RARB: variants seen among roughly 807,000 people sequenced by gnomAD.
RARB encodes HBV-activated protein.
A neutral mutation model predicts 51.9 loss-of-function variants in RARB; 17 were observed. The observed-to-expected ratio is 0.33, with a 90% CI of 0.22 to 0.49. RARB has a LOEUF of 0.49. Among genes scored for constraint, RARB ranks in the 20% least tolerant of loss-of-function variants. The probability of loss-of-function intolerance (pLI) is 0.99; values close to 1 mark genes in which losing one functional copy is unlikely to be tolerated. For missense variants in RARB, 369 were observed against 550.8 expected, an observed-to-expected ratio of 0.67 and a Z score of 3.30; for synonymous variants, 215 against 195.4, an observed-to-expected ratio of 1.10 and a Z score of -0.84.
At chr3:24,961,240 C>T (rs1696133253) in intron 2 of RARB, among the ~76,000 whole-genome samples, 2 of 152,150 alleles carry the variant, frequency 1.3e-5, no homozygotes, top group Non-Finnish European at 2.9e-5. Context: ...ATTTATTGAA[C>T]ATCTACTGTG....
intron 5 of RARB, among the ~76,000 whole-genome samples, chr3:25,269,086 C>T (rs1468447785): frequency 2.0e-5 from 3 of 151,872 alleles, no homozygotes; most frequent in Non-Finnish European, 4.4e-5. Context: ...TATCTTTTAC[C>T]CTCCAATAAA....
At chr3:25,299,282 G>C (rs543347780) in intron 5 of RARB, among the ~76,000 whole-genome samples, 1 of 151,946 alleles carries the variant, frequency 6.6e-6, no homozygotes, top group East Asian at 1.9e-4. Context: ...CTGCAGCCTC[G>C]ACATTTTCAG....
chr3:24,893,676 C>A (rs963021529), intron 2 of RARB, among the ~76,000 whole-genome samples: 1 of 147,260 alleles, frequency 6.8e-6, no homozygotes, highest in Non-Finnish European at 1.5e-5. Flanking sequence ...CAACAGCATG[C>A]CTCACTGATT....
intron 5 of RARB, among the ~76,000 whole-genome samples, chr3:25,228,390 A>C (rs1051775880): frequency 6.6e-6 from 1 of 151,846 alleles, no homozygotes; most frequent in African/African-American, 2.4e-5. Flanking sequence ...AGCAGTATCC[A>C]TTCTACTCCC....
At chr3:25,217,482 A>G (rs1472170185) in intron 5 of RARB, among the ~76,000 whole-genome samples, 1 of 151,832 alleles carries the variant, frequency 6.6e-6, no homozygotes, top group Admixed American at 6.6e-5. Flanking sequence ...GGGGGCATGA[A>G]AAGGCCTACT....
At chr3:25,098,840 CAT>C (rs2125320195) in intron 3 of RARB, among the ~76,000 whole-genome samples, 1 of 152,322 alleles carries the variant, frequency 6.6e-6, no homozygotes, top group South Asian at 2.1e-4. Context: ...TAATGCCTAA[CAT>C]ATTATCTTCC....
chr3:25,201,628 T>C (rs1701391801), intron 5 of RARB, among the ~76,000 whole-genome samples: 1 of 152,028 alleles, frequency 6.6e-6, no homozygotes, highest in Non-Finnish European at 1.5e-5. Flanking sequence ...TTATTGAGAG[T>C]TTTTAGCATG....
intron 1 of RARB, among the ~76,000 whole-genome samples, chr3:25,446,099 T>C (rs771402132): frequency 5.9e-5 from 9 of 152,214 alleles, no homozygotes; most frequent in Non-Finnish European, 1.2e-4. Context: ...CCCTAACTAA[T>C]AAAAATGTAT....
chr3:24,920,058 G>A (rs1482472119), intron 2 of RARB, among the ~76,000 whole-genome samples: 2 of 152,174 alleles, frequency 1.3e-5, no homozygotes, highest in African/African-American at 4.8e-5. Flanking sequence ...CAAAGAGAAT[G>A]AATTTAAGAT....
At chr3:25,547,755 G>A (rs1207292801) in intron 3 of RARB, among the ~76,000 whole-genome samples, 1 of 152,212 alleles carries the variant, frequency 6.6e-6, no homozygotes, top group Non-Finnish European at 1.5e-5. Flanking sequence ...TGGACGAATG[G>A]ACATAGAGAA....
intron 5 of RARB, among the ~76,000 whole-genome samples, chr3:25,206,171 C>G (rs1300564970): frequency 6.6e-6 from 1 of 152,190 alleles, no homozygotes; most frequent in Non-Finnish European, 1.5e-5. Flanking sequence ...TTCTCAAGTT[C>G]TATTTTCCAG....
intron 2 of RARB, among the ~76,000 whole-genome samples, chr3:24,889,105 C>T (rs1020789081): frequency 6.6e-6 from 1 of 152,192 alleles, no homozygotes; most frequent in Non-Finnish European, 1.5e-5. Flanking sequence ...TGAGGACTCA[C>T]TACATATGGA....
At chr3:25,080,630 C>T (rs566389783) in intron 3 of RARB, among the ~76,000 whole-genome samples, 1 of 152,106 alleles carries the variant, frequency 6.6e-6, no homozygotes, top group African/African-American at 2.4e-5. Flanking sequence ...TGCTATAGAT[C>T]ATTGAGGTTT....
chr3:25,282,415 A>T (rs1435399835), intron 5 of RARB, among the ~76,000 whole-genome samples: 2 of 152,182 alleles, frequency 1.3e-5, no homozygotes, highest in Non-Finnish European at 2.9e-5. Flanking sequence ...CCTATTTAAA[A>T]TTGTTACCCA....
In RARB at chr3:25,501,265, G is replaced by A. The variant is rs755013980; in HGVS notation, c.390G>A (p.Arg130=). The change falls in exon 3 of 8, where the codon AGG becomes AGA. Residue 130 remains arginine (R), a synonymous_variant. Transcript: ENST00000330688. ...ACTGTGTTATTAATAAAGTCACCAG[G>A]AATCGATGCCAATACTGTCGACTCC... The part of the protein sequence containing the change: ...DKNCVINKVT[R]NRCQYCRLQK... The A allele has an allele frequency of 2.5e-6, 4 of 1,612,038 alleles. No homozygotes were observed. Among genetic ancestry groups the A allele is most frequent in the Non-Finnish European group, 3.4e-6 (4 of 1,179,424 alleles).
At chr3:25,084,518 G>A (rs73141460) in intron 3 of RARB, among the ~76,000 whole-genome samples, 1,389 of 123,672 alleles carry the variant, frequency 0.011, 28 homozygotes, top group African/African-American at 0.043. Context: ...TCATCAATAC[G>A]TATTGGATTC....
At chr3:25,305,535 AG>A (rs946503997) in intron 5 of RARB, among the ~76,000 whole-genome samples, 3 of 152,144 alleles carry the variant, frequency 2.0e-5, no homozygotes, top group African/African-American at 7.2e-5. Flanking sequence ...TTTCTGTGCA[AG>A]GGTTGAAAAG....
chr3:24,899,359 C>A (rs73047672), intron 2 of RARB, among the ~76,000 whole-genome samples: 11,336 of 152,202 alleles, frequency 0.074, 604 homozygotes, highest in Non-Finnish European at 0.12. Context: ...GGAGTGGATT[C>A]GGCAGCCTAG....
chr3:25,453,385 T>C (rs746126971), intron 1 of RARB, among the ~76,000 whole-genome samples: 2 of 151,792 alleles, frequency 1.3e-5, no homozygotes, highest in Admixed American at 6.6e-5. Context: ...GTAGCTGGGA[T>C]TACAGGCATG....
Sources: gnomAD v4.1 joint callset for allele counts (sites outside exome capture counted in the v4.1 genomes callset) on GRCh38, gnomAD v4.1.1 for gene constraint, MANE v1.5 for transcripts, NCBI Gene and HGNC (gene_info 2026-07-23, HGNC 2026-07-21) for gene names.